Variants in WASHC5 observed in about 807,000 individuals in gnomAD.
WASHC5 encodes the protein WASH complex subunit strumpellin.
In WASHC5, 101 loss-of-function variants were observed where a neutral mutation model predicts 150.4. That is an observed-to-expected ratio of 0.67 (90% CI 0.57 to 0.79). The LOEUF is 0.79. Among genes scored for constraint, WASHC5 ranks in the 30% least tolerant of loss-of-function variants. WASHC5 has a pLI of 0.00. For synonymous variants in WASHC5, 467 were observed against 491.2 expected, an observed-to-expected ratio of 0.95 and a Z score of 0.65; for missense variants, 1,195 against 1,396.3, an observed-to-expected ratio of 0.86 and a Z score of 2.30.
intron 6 of WASHC5, among the ~76,000 whole-genome samples, chr8:125,077,530 C>CT: frequency 6.6e-6 from 1 of 152,282 alleles, no homozygotes; most frequent in Admixed American, 6.5e-5. Flanking sequence ...ACAATCACAG[C>CT]TTAACCCTTG....
chr8:125,052,138 T>C (rs1816257217), intron 17 of WASHC5, among the ~76,000 whole-genome samples: 1 of 152,216 alleles, frequency 6.6e-6, no homozygotes, highest in Non-Finnish European at 1.5e-5. Flanking sequence ...GTTTTCAGCA[T>C]CTGTGCTTTA....
intron 2 of WASHC5, 134 bp downstream of exon 2, chr8:125,083,579 T>C (rs899218425): frequency 1.0e-5 from 7 of 690,066 alleles, no homozygotes; most frequent in African/African-American, 7.2e-5. Context: ...TAGTAGCTAA[T>C]ATTAAGTTTA....
At chr8:125,084,202 T>G (rs961948243) in intron 1 of WASHC5, among the ~76,000 whole-genome samples, 180 bp from the exon 2 acceptor site, 4 of 152,246 alleles carry the variant, frequency 2.6e-5, no homozygotes, top group Non-Finnish European at 5.9e-5. Flanking sequence ...GGGACTTTGC[T>G]AGATTAACAC....
intron 27 of WASHC5, 26 bp from the exon 28 acceptor site, chr8:125,028,733 A>G (rs1815443104): frequency 6.6e-7 from 1 of 1,507,512 alleles, no homozygotes; most frequent in Non-Finnish European, 9.2e-7. Context: ...GTTTAGATCA[A>G]TTAACTGCTT....
Position 125,057,604 on chromosome 8 carries a change from G to A in WASHC5, c.1827C>T (p.Leu609=), listed in dbSNP as rs1465067996. Residue 609 remains leucine (L), a synonymous_variant, in exon 15 of 29, where the codon CTC becomes CTT. Coordinates refer to ENST00000318410, the MANE Select transcript of WASHC5 (RefSeq NM_014846.4). ...RINQANSPDL[L]SVSQYYSGEL... Reference sequence around the variant, plus strand: ...CTCCAGAATAGTACTGTGACACGCTGAGCAGGTCGGGGCTATTTGCCTGAT... The same window carrying A: ...CTCCAGAATAGTACTGTGACACGCTAAGCAGGTCGGGGCTATTTGCCTGAT... 3.1e-6 allele frequency: 5 copies of A among 1,613,822 alleles called. No individual in the cohort carries two copies. Among genetic ancestry groups the A allele is most frequent in the Non-Finnish European group, 4.2e-6 (5 of 1,179,884 alleles).
rs1187019922 is a variant in WASHC5, at chr8:125,024,567, G to A, written c.*50C>T. 6.1e-6 allele frequency: 8 copies of A among 1,306,364 alleles called. No homozygotes were observed. Among genetic ancestry groups the A allele is most frequent in the East Asian group, 2.3e-5 (1 of 43,378 alleles). 80.9% of individuals were successfully genotyped at this position (1,306,364 alleles called of 1,614,324 possible). On this transcript the variant is annotated 3_prime_UTR_variant, in exon 29 of 29. Transcript: ENST00000318410. Reference sequence around the variant, plus strand: ...TTTCATCTTCAAATTCATTTGTGATGGTGGGAAGATCTAAGGACAATCCTT... The same window carrying A: ...TTTCATCTTCAAATTCATTTGTGATAGTGGGAAGATCTAAGGACAATCCTT...
chr8:125,055,903 T>C (rs911773288), intron 16 of WASHC5, among the ~76,000 whole-genome samples: 3 of 152,308 alleles, frequency 2.0e-5, no homozygotes, highest in Admixed American at 2.0e-4. Flanking sequence ...TTAGGCTTCA[T>C]TTTCTCATGT....
In WASHC5 at chr8:125,079,090, ATG is replaced by A. The variant is rs202152482; in HGVS notation, c.519-162_519-161del. On this transcript the variant is annotated intron_variant, in intron 5 of 28. Coordinates refer to ENST00000318410, the MANE Select transcript of WASHC5 (RefSeq NM_014846.4). ...CAATATATCCTCAAGATTCAAAATT[ATG>A]TGTATATATATGTGTGTGTGTGTGT... Among the ~76,000 whole-genome samples the A allele has an allele frequency of 0.029, 3,288 of 112,262 alleles. 140 individuals are homozygous for A. The highest frequency in any genetic ancestry group is 0.12 in the African/African-American group (3,022 of 25,568). The allele number at this position is 112,262 out of a possible 152,430, so 73.6% of individuals were successfully genotyped here.
intron 1 of WASHC5, 95 bp downstream of exon 1, chr8:125,091,520 G>C (rs573095929): frequency 6.6e-6 from 1 of 152,516 alleles, no homozygotes; most frequent in African/African-American, 2.4e-5. Context: ...CAGGCTGCAC[G>C]CGACTCTGCA....
At chr8:125,027,704 A>G (rs1039972131) in intron 28 of WASHC5, among the ~76,000 whole-genome samples, 1 of 152,246 alleles carries the variant, frequency 6.6e-6, no homozygotes, top group African/African-American at 2.4e-5. Flanking sequence ...AAAATCTCAC[A>G]AATCACCACT....
chr8:125,083,744 C>T lies in WASHC5; in HGVS notation c.155G>A (p.Gly52Glu). Residue 52 changes from glycine to glutamate, a missense_variant, in exon 2 of 29, where the codon GGA (glycine) becomes GAA (glutamate). Physicochemically the swap from Gly to Glu is moderately conservative, Grantham distance 98. Transcript: ENST00000318410. ...ATAGCTGAAATCAAATATGATATCT[C>T]CATATTTCTGTTGATCAGCTCTGTC... ...LKDRADQQKY[G>E]DIIFDFSYFK... 1 of 1,611,686 alleles carries T rather than the reference C, an allele frequency of 6.2e-7. No homozygotes were observed. The highest frequency in any genetic ancestry group is 8.5e-7 in the Non-Finnish European group (1 of 1,177,972).
rs761531505 is a variant in WASHC5, at chr8:125,049,173, T to A, written c.2212A>T (p.Met738Leu). ...GCTCCCAACTCTTTCAGCTTGGGCA[T>A]CAATTCACTTGGCTGTGGAAAAGGG... The part of the protein sequence containing the change: ...FNPRAKPSEL[M>L]PKLKELGATM... Residue 738 changes from methionine to leucine, a missense_variant, in exon 19 of 29, where the codon ATG becomes TTG. Around this residue, in one of 3 missense-constraint regions of WASHC5, gnomAD observed 997 missense variants for 1,168.1 expected, o/e 0.85. Coordinates refer to ENST00000318410, the MANE Select transcript of WASHC5 (RefSeq NM_014846.4). 1 of 1,614,148 alleles carries A rather than the reference T, an allele frequency of 6.2e-7. No individual in the cohort carries two copies. Among genetic ancestry groups the A allele is most frequent in the Non-Finnish European group, 8.5e-7 (1 of 1,179,996 alleles).
At chr8:125,044,187 T>C (rs1248408279) in intron 21 of WASHC5, 93 bp from the exon 22 acceptor site, 9 of 869,194 alleles carry the variant, frequency 1.0e-5, no homozygotes, top group African/African-American at 1.7e-5. Context: ...GAACAGAGGC[T>C]GGGCCTAAGT....
rs138358896 is a variant in WASHC5, at chr8:125,073,313, A to G, written c.990T>C (p.Tyr330=). The G allele has an allele frequency of 3.7e-5, 59 of 1,613,750 alleles. No homozygotes were observed. In the African/African-American group the frequency reaches 7.2e-4, roughly 20 times the overall value. Residue 330 remains tyrosine, a synonymous_variant, in exon 9 of 29, where the codon TAT becomes TAC. Coordinates refer to ENST00000318410, the MANE Select transcript of WASHC5 (RefSeq NM_014846.4). ...LSNVREQASR[Y]ATVSERVHAQ... is the part of the protein sequence containing the mutation. Reference sequence around the variant, plus strand: ...CATGCACTCTTTCACTGACAGTAGCATATCTGCTTGCCTTGACAAATAAGA... The same window carrying G: ...CATGCACTCTTTCACTGACAGTAGCGTATCTGCTTGCCTTGACAAATAAGA...
At chr8:125,082,515 T>C (rs1817294040) in intron 3 of WASHC5, 48 bp from the exon 4 acceptor site, 1 of 1,065,446 alleles carries the variant, frequency 9.4e-7, no homozygotes, top group Non-Finnish European at 1.5e-6. Context: ...ATAGAAACTT[T>C]AACATCTTTA....
chr8:125,069,941 T>C lies in WASHC5; in HGVS notation c.1151-2222A>G, dbSNP rs529192185. ...AGGGAATGTTTAAGTACCCAGTTGT[T>C]GGACAAACACTCTGTATTCCTCAAT... On this transcript the variant is annotated intron_variant, in intron 9 of 28. Transcript: ENST00000318410. Among the ~76,000 whole-genome samples the C allele has an allele frequency of 5.7e-4, 87 of 152,350 alleles. No individual in the cohort carries two copies. The Middle Eastern group carries it at 0.024, about 42-fold the overall frequency.
intron 17 of WASHC5, 85 bp from the exon 18 acceptor site, chr8:125,050,750 T>C (rs1190552641): frequency 3.0e-6 from 3 of 996,570 alleles, no homozygotes; most frequent in East Asian, 2.4e-5. Flanking sequence ...TTTCAGAATC[T>C]GCAGTGGGGC....
At chr8:125,044,161 C>T in intron 21 of WASHC5, 67 bp from the exon 22 acceptor site, 2 of 1,059,628 alleles carry the variant, frequency 1.9e-6, no homozygotes, top group Non-Finnish European at 2.9e-6. Context: ...TCTCCAGTTA[C>T]CTAAAATGCT....
At chr8:125,044,821 C>T (rs1369606546) in intron 20 of WASHC5, 123 bp from the exon 21 acceptor site, 9 of 1,025,320 alleles carry the variant, frequency 8.8e-6, no homozygotes, top group Admixed American at 1.7e-5. Context: ...TCTGTGTTTT[C>T]TAACCTCTGT....
Sources: allele counts gnomAD v4.1 joint callset (sites outside exome capture counted in the v4.1 genomes callset), GRCh38; gene constraint gnomAD v4.1.1; regional missense constraint gnomAD v4.1.1; transcripts MANE v1.5; gene names NCBI Gene and HGNC (gene_info 2026-07-23, HGNC 2026-07-21).